The following SERPINB11 variants were observed in gnomAD, a reference collection of about 807,000 sequenced individuals.
SERPINB11 encodes serpin family B member 11.
Under a neutral mutation model 36.7 loss-of-function variants are expected in SERPINB11, and 32 were observed. The ratio of observed to expected loss-of-function variants is 0.87; its 90% CI spans 0.66 to 1.17. The LOEUF is 1.17. Among genes scored for constraint, SERPINB11 ranks in the 50% most tolerant of loss-of-function variants. The pLI is 0.00. For synonymous variants in SERPINB11, 174 were observed against 168.1 expected, an observed-to-expected ratio of 1.04 and a Z score of -0.27; for missense variants, 528 against 458.4, an observed-to-expected ratio of 1.15 and a Z score of -1.39.
chr18:63,719,301 A>C (rs1914745029), intron 5 of SERPINB11, among the ~76,000 whole-genome samples: 1 of 152,148 alleles, frequency 6.6e-6, no homozygotes, highest in Admixed American at 6.5e-5. Context: ...AGGTATTGCT[A>C]TCACATGCTA....
Position 63,723,381 on chromosome 18 carries a change from C to T in SERPINB11, c.1161C>T (p.Gly387=). ...ATACCAACACGATCCTATTCTGTGG[C>T]AAGCTTGCCTCTCCCTAATCAGATG... is the stretch of plus-strand genomic sequence containing the variant. ...HTHTNTILFC[G]KLASP The change falls in exon 8 of 8, where the codon GGC becomes GGT. Residue 387 remains glycine, a synonymous_variant. Transcript: ENST00000544088. 2 of 1,606,426 alleles carry T rather than the reference C, an allele frequency of 1.2e-6. No homozygotes were observed. Among genetic ancestry groups the T allele is most frequent in the African/African-American group, 2.7e-5 (2 of 74,932 alleles).
chr18:63,723,055 G>A lies in SERPINB11; in HGVS notation c.835G>A (p.Glu279Lys). 6.2e-7 allele frequency: 1 copy of A among 1,603,932 alleles called. No homozygotes were observed. Among genetic ancestry groups the A allele is most frequent in the Non-Finnish European group, 8.5e-7 (1 of 1,175,110 alleles). Reference protein sequence around the residue: ...HEWTSSSNMMEREVEVHLPRF... With the variant: ...HEWTSSSNMMKREVEVHLPRF... The stretch of plus-strand genomic sequence containing the variant: ...GTGGACAAGCTCTTCTAACATGATG[G>A]AAAGAGAAGTTGAAGTACACCTCCC... Residue 279 changes from glutamate to lysine, a missense_variant, in exon 8 of 8, where the codon GAA becomes AAA. Glu to Lys is a moderately conservative substitution (Grantham distance 56). Transcript: ENST00000544088.
chr18:63,705,052 T>C (rs1038373733), intron 1 of SERPINB11, among the ~76,000 whole-genome samples: 1 of 152,178 alleles, frequency 6.6e-6, no homozygotes, highest in African/African-American at 2.4e-5. Flanking sequence ...GTGAAAAGTA[T>C]GTGAAAACTT....
intron 1 of SERPINB11, among the ~76,000 whole-genome samples, 199 bp from the exon 2 acceptor site, chr18:63,709,980 C>T (rs1433343858): frequency 6.6e-6 from 1 of 152,184 alleles, no homozygotes; most frequent in Non-Finnish European, 1.5e-5. Flanking sequence ...AGTAAATCTT[C>T]TGTTCATTGG....
intron 5 of SERPINB11, among the ~76,000 whole-genome samples, chr18:63,718,078 A>G (rs1368770026): frequency 2.0e-5 from 3 of 152,014 alleles, no homozygotes; most frequent in African/African-American, 7.2e-5. Context: ...ATTGCACTGC[A>G]ATGTAAATTT....
At chr18:63,721,773 G>A (rs1002701150) in intron 7 of SERPINB11, among the ~76,000 whole-genome samples, 1 of 152,164 alleles carries the variant, frequency 6.6e-6, no homozygotes, top group Non-Finnish European at 1.5e-5. Flanking sequence ...CAGGACGTAC[G>A]CATTTGGATT....
intron 2 of SERPINB11, among the ~76,000 whole-genome samples, chr18:63,710,719 A>C (rs1914500964): frequency 6.6e-6 from 1 of 152,212 alleles, no homozygotes; most frequent in Admixed American, 6.5e-5. Context: ...TATTTTAGAC[A>C]TTACCAAGTT....
At chr18:63,720,758 A>G (rs1914788338) in intron 6 of SERPINB11, 73 bp from the exon 7 acceptor site, 2 of 1,097,882 alleles carry the variant, frequency 1.8e-6, no homozygotes, top group Non-Finnish European at 2.6e-6. Flanking sequence ...TATCCGTGTT[A>G]TGCAAGGTAA....
At chr18:63,719,855 A>G (rs1297534289) in intron 5 of SERPINB11, among the ~76,000 whole-genome samples, 158 bp from the exon 6 acceptor site, 1 of 152,154 alleles carries the variant, frequency 6.6e-6, no homozygotes, top group Non-Finnish European at 1.5e-5. Context: ...TCATTTGACA[A>G]AGAAGGCTCC....
chr18:63,711,260 A>G (rs552993715), intron 2 of SERPINB11, 75 bp from the exon 3 acceptor site: 2 of 984,102 alleles, frequency 2.0e-6, no homozygotes, highest in East Asian at 2.4e-5. Context: ...AGAAAAATAG[A>G]TACTTACAAC....
chr18:63,707,062 T>C (rs1914390364), intron 1 of SERPINB11, among the ~76,000 whole-genome samples: 1 of 152,186 alleles, frequency 6.6e-6, no homozygotes, highest in African/African-American at 2.4e-5. Flanking sequence ...ACTTTCTGAC[T>C]CCTACACTAG....
chr18:63,707,930 G>A (rs1417687990), intron 1 of SERPINB11, among the ~76,000 whole-genome samples: 6 of 152,204 alleles, frequency 3.9e-5, no homozygotes, highest in Admixed American at 3.9e-4. Context: ...AGGGATGTGG[G>A]CTGAGATTTC....
Position 63,723,051 on chromosome 18 carries a change from G to C in SERPINB11, c.831G>C (p.Met277Ile). The C allele has an allele frequency of 6.2e-7, 1 of 1,603,094 alleles. No individual in the cohort carries two copies. Among genetic ancestry groups the C allele is most frequent in the South Asian group, 1.1e-5 (1 of 88,864 alleles). Residue 277 changes from methionine (M) to isoleucine (I), a missense_variant, in exon 8 of 8, where the codon ATG becomes ATC. Transcript: ENST00000544088. ...ATGAGTGGACAAGCTCTTCTAACATGATGGAAAGAGAAGTTGAAGTACACC... is the reference window on the plus strand; with the variant it reads ...ATGAGTGGACAAGCTCTTCTAACATCATGGAAAGAGAAGTTGAAGTACACC... ...TFHEWTSSSN[M>I]MEREVEVHLP...
At chr18:63,715,798 CAT>C (rs1407844212) in intron 4 of SERPINB11, among the ~76,000 whole-genome samples, 1 of 152,192 alleles carries the variant, frequency 6.6e-6, no homozygotes, top group Non-Finnish European at 1.5e-5. Context: ...GAAAGCCAAT[CAT>C]ATGACAGAAG....
chr18:63,713,691 T>C (rs1398098142), intron 4 of SERPINB11, among the ~76,000 whole-genome samples: 2 of 152,162 alleles, frequency 1.3e-5, no homozygotes, highest in Non-Finnish European at 2.9e-5. Flanking sequence ...GAACGATGTA[T>C]GGAGAGTGTC....
At chr18:63,713,376 C>T (rs796952003) in intron 4 of SERPINB11, among the ~76,000 whole-genome samples, 1 of 152,176 alleles carries the variant, frequency 6.6e-6, no homozygotes, top group Non-Finnish European at 1.5e-5. Context: ...GGGTCACAGA[C>T]ATATTTAAAT....
chr18:63,718,405 T>A (rs1173771594), intron 5 of SERPINB11, among the ~76,000 whole-genome samples: 1 of 152,046 alleles, frequency 6.6e-6, no homozygotes, highest in Non-Finnish European at 1.5e-5. Flanking sequence ...CAAATTCTAA[T>A]CCATGACCAT....
rs144943375 is a variant in SERPINB11 at position 63,715,011 on chromosome 18, T to C, written c.358-1024T>C. 1.1e-4 allele frequency among the ~76,000 whole-genome samples: 16 copies of C among 152,346 alleles called. No individual in the cohort carries two copies. The East Asian group carries it at 2.9e-3, about 28-fold the overall frequency. The stretch of plus-strand genomic sequence containing the variant: ...AGTATTAATTTGAGGAACTAATAAA[T>C]GCCCATGAATTCTTCACAATTTATG... On this transcript the variant is annotated intron_variant, in intron 4 of 7. Coordinates refer to ENST00000544088, the MANE Select transcript of SERPINB11 (RefSeq NM_001370475.1).
chr18:63,716,022 A>T lies in SERPINB11; in HGVS notation c.358-13A>T. The T allele has an allele frequency of 6.5e-7, 1 of 1,541,288 alleles. No individual in the cohort carries two copies. The highest frequency in any genetic ancestry group is 8.9e-7 in the Non-Finnish European group (1 of 1,119,268). On this transcript the variant is annotated splice_polypyrimidine_tract_variant and intron_variant, in intron 4 of 7. Transcript: ENST00000544088. ...GCTTTTGAATTGTTGTTCAATTATCATGTCTTTCATAGCAATATTTAAGCT... is the reference window on the plus strand; with the variant it reads ...GCTTTTGAATTGTTGTTCAATTATCTTGTCTTTCATAGCAATATTTAAGCT...
Sources: allele counts gnomAD v4.1 joint callset (sites outside exome capture counted in the v4.1 genomes callset), GRCh38; gene constraint gnomAD v4.1.1; transcripts MANE v1.5; gene names NCBI Gene and HGNC (gene_info 2026-07-23, HGNC 2026-07-21).